Variants in MAP7 observed in about 807,000 individuals in gnomAD.
MAP7 encodes ensconsin.
Under a neutral mutation model 94.8 loss-of-function variants are expected in MAP7, and 52 were observed. The observed-to-expected ratio is 0.55, with a 90% CI of 0.44 to 0.69. The LOEUF (loss-of-function observed/expected upper bound fraction) is 0.69, where lower values mean the gene tolerates loss of function less well. Among genes scored for constraint, MAP7 ranks in the 30% least tolerant of loss-of-function variants. The pLI is 0.00. For synonymous variants in MAP7, 350 were observed against 357.0 expected (o/e 0.98, Z 0.22); for missense variants, 940 against 964.6 (o/e 0.97, Z 0.34).
At chr6:136,535,470 GA>G (rs912520199) in intron 1 of MAP7, among the ~76,000 whole-genome samples, 8 of 151,190 alleles carry the variant, frequency 5.3e-5, no homozygotes, top group African/African-American at 1.7e-4. Context: ...TCTGACAAAA[GA>G]AAAAAAAATT....
intron 1 of MAP7, chr6:136,466,634 G>A (rs1299878398): frequency 6.5e-6 from 5 of 772,500 alleles, no homozygotes; most frequent in Non-Finnish European, 9.5e-6. Context: ...AAAAAGATTA[G>A]AAGATTTCCT....
chr6:136,496,953 CA>C (rs571329419), intron 1 of MAP7, among the ~76,000 whole-genome samples: 125 of 143,606 alleles, frequency 8.7e-4, no homozygotes, highest in Non-Finnish European at 1.4e-3. Flanking sequence ...GACTCCATCT[CA>C]AAAAAAAAAA....
At position 136,365,939 on chromosome 6, in the gene MAP7, C is replaced by G. The variant is rs376443386; in HGVS notation, c.1069G>C (p.Ala357Pro). ...SSLPPGSVKAAPAQVRPPSPG... is the reference protein window; with the variant it reads ...SSLPPGSVKAPPAQVRPPSPG... ...GATGGGGGCCGGACCTGAGCAGGAGCAGCTTTGACTGAGCCGGGTGGCAAG... is the reference window on the plus strand; with the variant it reads ...GATGGGGGCCGGACCTGAGCAGGAGGAGCTTTGACTGAGCCGGGTGGCAAG... The change falls in exon 10 of 18, where the codon GCT becomes CCT. Residue 357 changes from alanine to proline, a missense_variant. Ala to Pro is a conservative substitution (Grantham distance 27). Transcript: ENST00000354570. 3 of 1,613,940 alleles carry G rather than the reference C, an allele frequency of 1.9e-6. No individual in the cohort carries two copies. In the East Asian group the frequency reaches 6.7e-5, roughly 36 times the overall value.
intron 5 of MAP7, among the ~76,000 whole-genome samples, chr6:136,386,469 A>T (rs1779219122): frequency 1.3e-5 from 2 of 152,188 alleles, no homozygotes; most frequent in Non-Finnish European, 2.9e-5. Flanking sequence ...TTGAGTGTGG[A>T]GGCAAAAAAT....
chr6:136,542,626 T>C (rs1011010766), intron 1 of MAP7, among the ~76,000 whole-genome samples: 2 of 152,030 alleles, frequency 1.3e-5, no homozygotes, highest in African/African-American at 4.8e-5. Flanking sequence ...TGCTATATAA[T>C]GGCACTTCCG....
intron 1 of MAP7, among the ~76,000 whole-genome samples, chr6:136,540,228 T>C (rs1447318342): frequency 6.6e-6 from 1 of 152,122 alleles, no homozygotes; most frequent in Non-Finnish European, 1.5e-5. Flanking sequence ...AGGTCGTACT[T>C]GGGTCAACTA....
chr6:136,405,095 C>T (rs868519573), intron 3 of MAP7, among the ~76,000 whole-genome samples: 7 of 152,136 alleles, frequency 4.6e-5, no homozygotes, highest in South Asian at 2.1e-4. Context: ...ACTTTGGTAA[C>T]GTTTTAACTA....
chr6:136,495,890 A>G (rs1430197265), intron 1 of MAP7, among the ~76,000 whole-genome samples: 1 of 152,220 alleles, frequency 6.6e-6, no homozygotes, highest in Admixed American at 6.5e-5. Flanking sequence ...AACAAAGAAA[A>G]ATTAAATACT....
At chr6:136,536,454 G>C (rs1419466796) in intron 1 of MAP7, among the ~76,000 whole-genome samples, 2 of 152,114 alleles carry the variant, frequency 1.3e-5, no homozygotes, top group Non-Finnish European at 2.9e-5. Context: ...GGATTATAAT[G>C]ACAAAGGAGC....
intron 1 of MAP7, among the ~76,000 whole-genome samples, chr6:136,544,641 A>G (rs1404491728): frequency 2.6e-5 from 4 of 152,096 alleles, no homozygotes; most frequent in Admixed American, 1.3e-4. Flanking sequence ...ACCTTCAGCT[A>G]TTATTCCTTT....
At chr6:136,355,500 G>T (rs1393645865) in intron 16 of MAP7, among the ~76,000 whole-genome samples, 1 of 152,066 alleles carries the variant, frequency 6.6e-6, no homozygotes, top group Non-Finnish European at 1.5e-5. Flanking sequence ...GTCTCAGAAA[G>T]ATATCAACAC....
intron 1 of MAP7, among the ~76,000 whole-genome samples, chr6:136,455,071 T>C (rs1172997652): frequency 6.6e-6 from 1 of 151,882 alleles, no homozygotes; most frequent in East Asian, 1.9e-4. Flanking sequence ...TCACCTATAG[T>C]TGAACTATCC....
intron 1 of MAP7, among the ~76,000 whole-genome samples, chr6:136,545,669 G>C (rs1234802697): frequency 1.3e-5 from 2 of 151,996 alleles, no homozygotes; most frequent in Non-Finnish European, 2.9e-5. Flanking sequence ...TTTCACACCT[G>C]CATCTTTTTC....
In MAP7 at chr6:136,343,493, A is replaced by G. The variant is rs1786950611; in HGVS notation, c.*735T>C. 6.5e-6 allele frequency: 1 copy of G among 152,676 alleles called. No individual in the cohort carries two copies. The highest frequency in any genetic ancestry group is 1.5e-5 in the Non-Finnish European group (1 of 68,046). The allele number at this position is 152,676 out of a possible 1,614,324, so 9.5% of individuals were successfully genotyped here. ...ATGCAGCTAACAAATTAAATTTGTA[A>G]TGTTGTCACATTATTCTAATTTATT... On this transcript the variant is annotated 3_prime_UTR_variant, in exon 18 of 18. Coordinates refer to ENST00000354570, the MANE Select transcript of MAP7 (RefSeq NM_003980.6).
At chr6:136,344,276 A>T in intron 17 of MAP7, 38 bp from the exon 18 acceptor site, 1 of 1,090,322 alleles carries the variant, frequency 9.2e-7, no homozygotes, top group Non-Finnish European at 1.3e-6. Flanking sequence ...GATTAATATG[A>T]CATTTATCTA....
intron 1 of MAP7, chr6:136,525,689 A>C: frequency 1.2e-6 from 1 of 813,588 alleles, no homozygotes; most frequent in South Asian, 2.1e-5. Flanking sequence ...AGAGGGTATA[A>C]ACACTACCAG....
chr6:136,531,628 G>A (rs1049738376), intron 1 of MAP7, among the ~76,000 whole-genome samples: 2 of 144,518 alleles, frequency 1.4e-5, no homozygotes, highest in South Asian at 4.2e-4. Context: ...AGAGAGACGG[G>A]ACAGAGACTA....
chr6:136,528,572 T>G (rs928034605), intron 1 of MAP7, among the ~76,000 whole-genome samples: 2 of 152,154 alleles, frequency 1.3e-5, no homozygotes, highest in African/African-American at 4.8e-5. Flanking sequence ...AAACCCCACA[T>G]ACAAAATAAG....
At chr6:136,372,745 A>C (rs1486135168) in intron 7 of MAP7, 120 bp from the exon 8 acceptor site, 1 of 1,252,760 alleles carries the variant, frequency 8.0e-7, no homozygotes, top group East Asian at 2.3e-5. Context: ...AAGCAGAGAT[A>C]GAGAGAAAAG....
Sources: allele counts gnomAD v4.1 joint callset (sites outside exome capture counted in the v4.1 genomes callset), GRCh38; gene constraint gnomAD v4.1.1; transcripts MANE v1.5; gene names NCBI Gene and HGNC (gene_info 2026-07-23, HGNC 2026-07-21).